ZNF217: variants seen among roughly 807,000 people sequenced by gnomAD.
ZNF217 encodes the protein zinc finger protein 217.
Under a neutral mutation model 73.3 loss-of-function variants are expected in ZNF217, and 12 were observed. The ratio of observed to expected loss-of-function variants is 0.16; its 90% CI spans 0.10 to 0.27. The LOEUF (loss-of-function observed/expected upper bound fraction) is 0.27, where lower values mean the gene tolerates loss of function less well. Ranked by LOEUF, ZNF217 falls within the 10% of genes least tolerant of loss-of-function variation. The pLI, the probability that ZNF217 is intolerant of heterozygous loss-of-function variation, is 1.00. For missense variants in ZNF217, 1,195 were observed against 1,327.8 expected (o/e 0.90, Z 1.55); for synonymous variants, 588 against 516.4 (o/e 1.14, Z -1.88).
Position 53,581,578 on chromosome 20 carries a change from G to A in ZNF217, c.1249C>T (p.Pro417Ser), listed in dbSNP as rs1188869067. The change falls in exon 2 of 6, where the codon CCG becomes TCG. Residue 417 changes from proline to serine, a missense_variant. Coordinates refer to ENST00000371471, the MANE Select transcript of ZNF217 (RefSeq NM_006526.3). This position sits in a 1 kb window ranked among gnomAD's most constrained non-coding sequence, Gnocchi z 4.9. ...SPTMSVDGRQ[P>S]GTCSPDLAAP... The stretch of plus-strand genomic sequence containing the variant: ...GCGAGGTCAGGAGAACACGTCCCCG[G>A]CTGCCTCCCGTCCACAGACATGGTG... The A allele has an allele frequency of 6.2e-7, 1 of 1,614,214 alleles. No homozygotes were observed.
intron 2 of ZNF217, among the ~76,000 whole-genome samples, chr20:53,580,181 G>A (rs1011220994): frequency 2.0e-5 from 3 of 152,170 alleles, no homozygotes; most frequent in Non-Finnish European, 4.4e-5. Flanking sequence ...TTGATATACA[G>A]ACTACAGTTC....
intron 1 of ZNF217, among the ~76,000 whole-genome samples, chr20:53,589,136 C>A (rs1250647507): frequency 6.6e-6 from 1 of 152,110 alleles, no homozygotes; most frequent in East Asian, 1.9e-4. Flanking sequence ...AATAATGGAA[C>A]ACCAATACAG....
Position 53,593,736 on chromosome 20 carries a change from G to A in ZNF217, c.-343+20C>T, listed in dbSNP as rs1430465673. 6.6e-6 allele frequency: 1 copy of A among 151,164 alleles called. No individual in the cohort carries two copies. The highest frequency in any genetic ancestry group is 1.5e-5 in the Non-Finnish European group (1 of 67,684). The allele number at this position is 151,164 out of a possible 1,614,324, so 9.4% of individuals were successfully genotyped here. A position where few individuals can be genotyped will look rare whatever the true frequency, so the allele number is the denominator to read the frequency against. On this transcript the variant is annotated intron_variant, in intron 1 of 5. Coordinates refer to ENST00000371471, the MANE Select transcript of ZNF217 (RefSeq NM_006526.3). The stretch of plus-strand genomic sequence containing the variant: ...GGCGGGCGCCCCGGCTGGCGCGGGC[G>A]GGGGGCGCGCCCCCTTTACCTGCGG...
chr20:53,584,040 T>A (rs928046319), intron 1 of ZNF217, among the ~76,000 whole-genome samples: 2 of 152,258 alleles, frequency 1.3e-5, no homozygotes, highest in African/African-American at 4.8e-5. Context: ...CTCATTTTTT[T>A]AATCTACCTT....
chr20:53,583,767 C>G (rs1988595652), intron 1 of ZNF217, among the ~76,000 whole-genome samples: 1 of 152,214 alleles, frequency 6.6e-6, no homozygotes, highest in Non-Finnish European at 1.5e-5. Context: ...TACTTAACAC[C>G]TCAGAATGGT....
chr20:53,585,869 A>AG (rs1456037275), intron 1 of ZNF217, among the ~76,000 whole-genome samples: 1 of 152,114 alleles, frequency 6.6e-6, no homozygotes, highest in Non-Finnish European at 1.5e-5. Flanking sequence ...CAGATGGGGA[A>AG]GGAAACCCTC....
In ZNF217 at chr20:53,576,889, C is replaced by T. The variant is rs754969278; in HGVS notation, c.1875G>A (p.Leu625=). Residue 625 remains leucine (L), a synonymous_variant, in exon 4 of 6, where the codon CTG becomes CTA. Transcript: ENST00000371471. ...TTTCAACTGCTGATCTCTTTTTTAA[C>T]AGGTCCAGGTAAGCAGGGGTAGGGT... ...NKNPTPAYLD[L]LKKRSAVETQ... 2.7e-5 allele frequency: 43 copies of T among 1,614,056 alleles called. No individual in the cohort carries two copies. Among genetic ancestry groups the T allele is most frequent in the Admixed American group, 1.8e-4 (11 of 59,994 alleles).
At chr20:53,590,276 C>T (rs1988833221) in intron 1 of ZNF217, among the ~76,000 whole-genome samples, 2 of 152,170 alleles carry the variant, frequency 1.3e-5, no homozygotes, top group Admixed American at 1.3e-4. Context: ...CTTCCCAATT[C>T]ATTCATTAAA....
At position 53,580,860 on chromosome 20, in the gene ZNF217, T is replaced by C. The variant is rs139990616; in HGVS notation, c.1366+601A>G. Reference sequence around the variant, plus strand: ...TAGTTGATCATCACTCCCAGTACCTTTTATGGCCACTAGAAATTCACTACA... The same window carrying C: ...TAGTTGATCATCACTCCCAGTACCTCTTATGGCCACTAGAAATTCACTACA... On this transcript the variant is annotated intron_variant, in intron 2 of 5. Coordinates refer to ENST00000371471, the MANE Select transcript of ZNF217 (RefSeq NM_006526.3). 2.6e-5 allele frequency among the ~76,000 whole-genome samples: 4 copies of C among 152,250 alleles called. No individual in the cohort carries two copies. In the East Asian group the frequency reaches 7.7e-4, roughly 29 times the overall value.
At chr20:53,594,041 C>T (rs1988985334), upstream of ZNF217, among the ~76,000 whole-genome samples, 1 of 150,862 alleles carries the variant, frequency 6.6e-6, no homozygotes, top group Non-Finnish European at 1.5e-5. Flanking sequence ...CCAAGACCCC[C>T]CCCCAACAAA....
At chr20:53,569,436 G>A (rs1987896741) in intron 5 of ZNF217, among the ~76,000 whole-genome samples, 172 bp from the exon 6 acceptor site, 1 of 152,190 alleles carries the variant, frequency 6.6e-6, no homozygotes, top group Non-Finnish European at 1.5e-5. Flanking sequence ...AGGCTGGAGT[G>A]CAGCGGCACG....
At chr20:53,587,548 T>C (rs1988739392) in intron 1 of ZNF217, among the ~76,000 whole-genome samples, 1 of 152,200 alleles carries the variant, frequency 6.6e-6, no homozygotes, top group Non-Finnish European at 1.5e-5. Context: ...GCATCTACCA[T>C]AATACAGCTT....
chr20:53,577,270 T>C lies in ZNF217; in HGVS notation c.1494A>G (p.Pro498=). 1 of 1,600,064 alleles carries C rather than the reference T, an allele frequency of 6.2e-7. No homozygotes were observed. Among genetic ancestry groups the C allele is most frequent in the East Asian group, 2.2e-5 (1 of 44,858 alleles). ...CATATTCACAAAATTCACATTTGTA[T>C]GGTTTTTCACCTAAGGCAAGAAATG... The part of the protein sequence containing the change: ...IHLRTHTGEK[P]YKCEFCEYAA... The change falls in exon 4 of 6, where the codon CCA becomes CCG. Residue 498 remains proline (P), a synonymous_variant. Transcript: ENST00000371471.
At position 53,582,727 on chromosome 20, in the gene ZNF217, T is replaced by C. The variant is rs190147248; in HGVS notation, c.100A>G (p.Met34Val). Residue 34 changes from methionine to valine, a missense_variant, in exon 2 of 6, where the codon ATG becomes GTG. Around this residue, in one of 9 missense-constraint regions of ZNF217, gnomAD observed 147 missense variants for 184.3 expected, o/e 0.80. Transcript: ENST00000371471. The surrounding 1 kb of genome is among the most constrained non-coding windows in gnomAD (Gnocchi z 4.8). ...IGSSLGSPME[M>V]EDALSMKGTA... Reference sequence around the variant, plus strand: ...CCTTTCATTGACAAGGCATCCTCCATCTCCATCGGACTGCCAAGAGAGCTG... The same window carrying C: ...CCTTTCATTGACAAGGCATCCTCCACCTCCATCGGACTGCCAAGAGAGCTG... 1.2e-5 allele frequency: 20 copies of C among 1,614,112 alleles called. No individual in the cohort carries two copies. Among genetic ancestry groups the C allele is most frequent in the African/African-American group, 5.3e-5 (4 of 75,012 alleles).
chr20:53,568,018 G>A lies in ZNF217; in HGVS notation c.*1270C>T, dbSNP rs538958810. 15 of 152,592 alleles carry A rather than the reference G, an allele frequency of 9.8e-5. No homozygotes were observed. Among genetic ancestry groups the A allele is most frequent in the African/African-American group, 3.6e-4 (15 of 41,536 alleles). 9.5% of individuals were successfully genotyped at this position (152,592 alleles called of 1,614,324 possible). A position where few individuals can be genotyped will look rare whatever the true frequency, so the allele number is the denominator to read the frequency against. On this transcript the variant is annotated 3_prime_UTR_variant, in exon 6 of 6. Coordinates refer to ENST00000371471, the MANE Select transcript of ZNF217 (RefSeq NM_006526.3). ...AAGAACAAAAGTTTAAAATATCTAG[G>A]AAGCCAGCTGGTGGCCATCTTCTCT...
chr20:53,584,556 T>G (rs1487793310), intron 1 of ZNF217, among the ~76,000 whole-genome samples: 1 of 152,260 alleles, frequency 6.6e-6, no homozygotes, highest in Non-Finnish European at 1.5e-5. Context: ...GATCAACACA[T>G]GGGCTGGTGA....
intron 3 of ZNF217, among the ~76,000 whole-genome samples, chr20:53,577,918 C>G (rs185554840): frequency 1.3e-5 from 2 of 152,238 alleles, no homozygotes; most frequent in Admixed American, 1.3e-4. Context: ...TCGAAACCAG[C>G]CTGGCCAGCA....
rs149340223 is a variant in ZNF217 at position 53,576,997 on chromosome 20, G to A, written c.1767C>T (p.Ser589=). The change falls in exon 4 of 6, where the codon AGC becomes AGT. Residue 589 remains serine, a synonymous_variant. Transcript: ENST00000371471. ...MPSVFQNVLG[S]AVLSPAHKDT... ...CTTTGTGTGCTGGTGAGAGGACAGC[G>A]CTGCCCAGAACATTCTGAAAAACAG... 4.3e-5 allele frequency: 69 copies of A among 1,614,170 alleles called. No homozygotes were observed. Among genetic ancestry groups the A allele is most frequent in the Non-Finnish European group, 4.9e-5 (58 of 1,180,026 alleles).
At chr20:53,588,090 A>AT (rs1475515713) in intron 1 of ZNF217, among the ~76,000 whole-genome samples, 2 of 152,178 alleles carry the variant, frequency 1.3e-5, no homozygotes, top group African/African-American at 4.8e-5. Flanking sequence ...TGTAAAGGAA[A>AT]TAATTTCATT....
Sources: allele counts gnomAD v4.1 joint callset (sites outside exome capture counted in the v4.1 genomes callset), GRCh38; gene constraint gnomAD v4.1.1; regional missense constraint gnomAD v4.1.1; non-coding constraint Gnocchi (gnomAD v3.1); transcripts MANE v1.5; gene names NCBI Gene and HGNC (gene_info 2026-07-23, HGNC 2026-07-21).